SPTA1: variants seen among roughly 807,000 people sequenced by gnomAD.
The protein encoded by SPTA1 is spectrin alpha chain, erythrocytic 1.
Under a neutral mutation model 324.7 loss-of-function variants are expected in SPTA1, and 177 were observed. That is an observed-to-expected ratio of 0.55 (90% CI 0.48 to 0.62). SPTA1 has a LOEUF of 0.62. SPTA1 is among the 20% of genes least tolerant of loss of function. The probability of loss-of-function intolerance (pLI) is 0.00; values close to 1 mark genes in which losing one functional copy is unlikely to be tolerated. For missense variants in SPTA1, 3,162 were observed against 2,883.6 expected, an observed-to-expected ratio of 1.10 and a Z score of -2.21; for synonymous variants, 1,195 against 1,041.3, an observed-to-expected ratio of 1.15 and a Z score of -2.84.
In SPTA1 at chr1:158,651,427, C is replaced by T; in HGVS notation, c.3417G>A (p.Lys1139=). ...TNEPRLRDIN[K]VADDLLFEGL... The stretch of plus-strand genomic sequence containing the variant: ...CTTCAAATAGTAGATCATCAGCTAC[C>T]TTGTTGATATCCCTTAGCCGAGGCT... Residue 1139 remains lysine (K), a synonymous_variant, in exon 24 of 52, where the codon AAG becomes AAA. Coordinates refer to ENST00000643759, the MANE Select transcript of SPTA1 (RefSeq NM_003126.4). The T allele has an allele frequency of 6.2e-7, 1 of 1,613,880 alleles. No individual in the cohort carries two copies. Among genetic ancestry groups the T allele is most frequent in the Non-Finnish European group, 8.5e-7 (1 of 1,179,854 alleles).
rs1652509925 is a variant in SPTA1 at position 158,652,412 on chromosome 1, C to T, written c.3375+55G>A. 35 of 1,575,576 alleles carry T rather than the reference C, an allele frequency of 2.2e-5. No individual in the cohort carries two copies. In the South Asian group the frequency reaches 3.3e-4, roughly 15 times the overall value. On this transcript the variant is annotated intron_variant, in intron 23 of 51. Coordinates refer to ENST00000643759, the MANE Select transcript of SPTA1 (RefSeq NM_003126.4). ...AAATTAAAAGATCATGTAGAATATG[C>T]TGAGGGATAAAAGCAAACAATGGCA... is the stretch of plus-strand genomic sequence containing the variant.
intron 44 of SPTA1, 54 bp from the exon 45 acceptor site, chr1:158,619,388 A>G (rs201315591): frequency 1.3e-5 from 20 of 1,566,992 alleles, no homozygotes; most frequent in Admixed American, 1.0e-4. Flanking sequence ...TTTCTTTGCC[A>G]TAAGAGAATT....
At chr1:158,682,996 C>T (rs1403736211) in intron 3 of SPTA1, among the ~76,000 whole-genome samples, 2 of 152,028 alleles carry the variant, frequency 1.3e-5, no homozygotes, top group Non-Finnish European at 2.9e-5. Flanking sequence ...AATGAGAGAG[C>T]ATTCCTTATT....
chr1:158,665,588 G>T (rs1653536579), intron 16 of SPTA1, among the ~76,000 whole-genome samples: 1 of 152,044 alleles, frequency 6.6e-6, no homozygotes, highest in Non-Finnish European at 1.5e-5. Context: ...GGAACTTTTG[G>T]AATAAATTCA....
At chr1:158,642,341 A>T (rs1026301730) in intron 33 of SPTA1, 70 bp downstream of exon 33, 66 of 1,379,952 alleles carry the variant, frequency 4.8e-5, no homozygotes, top group Non-Finnish European at 5.9e-5. Flanking sequence ...ACAATAAATT[A>T]AAAAAAAAGA....
chr1:158,660,569 T>C (rs1363125293), intron 18 of SPTA1, among the ~76,000 whole-genome samples: 1 of 152,106 alleles, frequency 6.6e-6, no homozygotes, highest in Non-Finnish European at 1.5e-5. Flanking sequence ...AATCTACAAG[T>C]ATAGTTGAAG....
At chr1:158,624,352 T>G (rs932019920) in intron 42 of SPTA1, among the ~76,000 whole-genome samples, 50 of 152,176 alleles carry the variant, frequency 3.3e-4, no homozygotes, top group Non-Finnish European at 6.5e-4. Context: ...AGGGAGGCTG[T>G]ACCCTGCAAA....
chr1:158,677,831 A>G lies in SPTA1; in HGVS notation c.816T>C (p.Asp272=). The G allele has an allele frequency of 6.2e-7, 1 of 1,613,598 alleles. No individual in the cohort carries two copies. The highest frequency in any genetic ancestry group is 1.3e-5 in the African/African-American group (1 of 74,994). The change falls in exon 7 of 52, where the codon GAT becomes GAC. Residue 272 remains aspartate, a synonymous_variant. Coordinates refer to ENST00000643759, the MANE Select transcript of SPTA1 (RefSeq NM_003126.4). ...TGATCCACTGGATGGCTTCAGTCAC[A>G]TCCCTGCAGTCATTAACAAGAGCTC... ...NAANLQRFKR[D]VTEAIQWIKE...
At chr1:158,653,531 A>G in intron 21 of SPTA1, 106 bp from the exon 22 acceptor site, 1 of 1,474,972 alleles carries the variant, frequency 6.8e-7, no homozygotes, top group Non-Finnish European at 9.3e-7. Context: ...TTAATGGCAA[A>G]GATAAGCTAA....
chr1:158,625,406 A>G (rs1156283941), intron 42 of SPTA1, among the ~76,000 whole-genome samples: 1 of 152,162 alleles, frequency 6.6e-6, no homozygotes, highest in Non-Finnish European at 1.5e-5. Context: ...AAACAACATG[A>G]TTAAAAATGA....
At chr1:158,621,701 G>A (rs973678258) in intron 43 of SPTA1, among the ~76,000 whole-genome samples, 1 of 152,048 alleles carries the variant, frequency 6.6e-6, no homozygotes. Context: ...ATTTGATGTA[G>A]GCCCTATGTT....
chr1:158,643,227 A>T, intron 31 of SPTA1, 95 bp downstream of exon 31: 2 of 1,429,442 alleles, frequency 1.4e-6, no homozygotes, highest in South Asian at 1.2e-5. Context: ...CCTAGAAATG[A>T]CAGGAAGCCA....
intron 40 of SPTA1, 126 bp from the exon 41 acceptor site, chr1:158,627,133 T>C: frequency 7.9e-7 from 1 of 1,265,698 alleles, no homozygotes; most frequent in Non-Finnish European, 1.1e-6. Flanking sequence ...CCGTCTTAGT[T>C]TGTGTAAGTT....
rs577278669 is a variant in SPTA1 at position 158,629,577 on chromosome 1, A to G, written c.5566-1854T>C. ...GTATGAAAAGCCCACAGCTAACATC[A>G]TATTTAATGGTGAAACTAAAAGCTT... On this transcript the variant is annotated intron_variant, in intron 39 of 51. Coordinates refer to ENST00000643759, the MANE Select transcript of SPTA1 (RefSeq NM_003126.4). Among the ~76,000 whole-genome samples, 4 of 152,218 alleles carry G rather than the reference A, an allele frequency of 2.6e-5. No individual in the cohort carries two copies. In the South Asian group the frequency reaches 8.3e-4, roughly 32 times the overall value.
At chr1:158,630,624 G>GA (rs549479799) in intron 39 of SPTA1, among the ~76,000 whole-genome samples, 117 of 151,738 alleles carry the variant, frequency 7.7e-4, no homozygotes, top group South Asian at 2.3e-3. Context: ...GCAACAAAAA[G>GA]AAAAAATAAA....
In SPTA1 at chr1:158,685,366, C is replaced by A. The variant is rs549914765; in HGVS notation, c.25-19G>T. The A allele has an allele frequency of 4.3e-6, 7 of 1,611,746 alleles. No individual in the cohort carries two copies. The African/African-American group carries it at 8.0e-5, about 18-fold the overall frequency. On this transcript the variant is annotated intron_variant, in intron 1 of 51. Coordinates refer to ENST00000643759, the MANE Select transcript of SPTA1 (RefSeq NM_003126.4). ...CCACAACCTGCAAGTTAAAAAGATT[C>A]TGTTACTTGCTAGTTCTCAAATATT...
rs1308001562 is a variant in SPTA1, at chr1:158,645,342, G to T, written c.4040C>A (p.Ala1347Asp). The change falls in exon 29 of 52, where the codon GCC (alanine) becomes GAC (aspartate). Residue 1347 changes from alanine to aspartate, a missense_variant. Ala to Asp is a moderately radical substitution (Grantham distance 126). Transcript: ENST00000643759. ...AAGTTCTGCACTGAAGTCCTCTAAG[G>T]CCTGGAAGGTGGGAGCCTCTGCCTC... ...DMEAEAPTFQ[A>D]LEDFSAELID... is the part of the protein sequence containing the mutation. 3 of 1,613,876 alleles carry T rather than the reference G, an allele frequency of 1.9e-6. No homozygotes were observed. Among genetic ancestry groups the T allele is most frequent in the African/African-American group, 2.7e-5 (2 of 74,886 alleles).
intron 2 of SPTA1, 92 bp from the exon 3 acceptor site, chr1:158,683,588 A>C: frequency 1.3e-4 from 201 of 1,540,262 alleles, no homozygotes; most frequent in Non-Finnish European, 1.5e-4. Flanking sequence ...ACAGGTTCTC[A>C]AAGGGTCCCA....
chr1:158,673,791 C>G (rs1654194817), intron 10 of SPTA1, among the ~76,000 whole-genome samples: 1 of 152,104 alleles, frequency 6.6e-6, no homozygotes, highest in Admixed American at 6.6e-5. Context: ...AATAAATGCT[C>G]AGAGATGAGG....
Sources: gnomAD v4.1 joint callset for allele counts (sites outside exome capture counted in the v4.1 genomes callset) on GRCh38, gnomAD v4.1.1 for gene constraint, MANE v1.5 for transcripts, NCBI Gene and HGNC (gene_info 2026-07-23, HGNC 2026-07-21) for gene names.